TENM4: variants seen among roughly 807,000 people sequenced by gnomAD.
TENM4 encodes teneurin-4.
In TENM4, 82 loss-of-function variants were observed where a neutral mutation model predicts 243.3. The observed-to-expected ratio is 0.34, with a 90% CI of 0.28 to 0.40. TENM4 has a LOEUF of 0.40. Ranked by LOEUF, TENM4 falls within the 10% of genes least tolerant of loss-of-function variation. TENM4 has a pLI of 1.00. For missense variants in TENM4, 3,138 were observed against 3,673.3 expected, an observed-to-expected ratio of 0.85 and a Z score of 3.77; for synonymous variants, 1,412 against 1,456.3, an observed-to-expected ratio of 0.97 and a Z score of 0.69.
At chr11:78,994,117 G>A (rs1257746816) in intron 6 of TENM4, among the ~76,000 whole-genome samples, 1 of 152,210 alleles carries the variant, frequency 6.6e-6, no homozygotes, top group Non-Finnish European at 1.5e-5. Context: ...TATTCCTAAA[G>A]CATGGCCTTT....
intron 4 of TENM4, among the ~76,000 whole-genome samples, chr11:79,071,590 T>A (rs1860416137): frequency 6.6e-6 from 1 of 152,180 alleles, no homozygotes; most frequent in African/African-American, 2.4e-5. Flanking sequence ...ATTTTAATAC[T>A]TTGCAGGCCA....
chr11:79,170,407 A>T (rs758897341), intron 3 of TENM4, among the ~76,000 whole-genome samples: 11 of 152,134 alleles, frequency 7.2e-5, no homozygotes, highest in Non-Finnish European at 1.3e-4. Context: ...CCCAAAATTG[A>T]TATGTTGAAA....
In TENM4 at chr11:78,702,098, G is replaced by A. The variant is rs372767827; in HGVS notation, c.4515C>T (p.Leu1505=). The A allele has an allele frequency of 1.2e-5, 20 of 1,613,812 alleles. No homozygotes were observed. The highest frequency in any genetic ancestry group is 2.2e-5 in the East Asian group (1 of 44,896). Reference sequence around the variant, plus strand: ...CACAGCCACTGGGGGCCCCAGCAACGAGTGAGATCTCTCCACTAGTGGTGA... The same window carrying A: ...CACAGCCACTGGGGGCCCCAGCAACAAGTGAGATCTCTCCACTAGTGGTGA... ...RQVTTSGEIS[L]VAGAPSGCDC... Residue 1505 remains leucine (L), a synonymous_variant, in exon 28 of 34, where the codon CTC becomes CTT. Transcript: ENST00000278550.
At chr11:79,340,562 G>A (rs182064308) in intron 1 of TENM4, among the ~76,000 whole-genome samples, 191 of 151,706 alleles carry the variant, frequency 1.3e-3, no homozygotes, top group African/African-American at 4.6e-3. Context: ...CATAGCACAC[G>A]TTTGCTTCTA....
chr11:78,666,941 T>C (rs1858172099), intron 32 of TENM4, among the ~76,000 whole-genome samples: 1 of 152,082 alleles, frequency 6.6e-6, no homozygotes, highest in Non-Finnish European at 1.5e-5. Context: ...TTTGGAAAGA[T>C]GCAATGTTTT....
At chr11:79,107,236 G>A (rs1861394319) in intron 4 of TENM4, among the ~76,000 whole-genome samples, 1 of 152,052 alleles carries the variant, frequency 6.6e-6, no homozygotes, top group African/African-American at 2.4e-5. Context: ...AAGGAATAAT[G>A]AATTTATTTT....
chr11:78,945,006 CT>C (rs1856980092), intron 6 of TENM4, among the ~76,000 whole-genome samples: 1 of 152,176 alleles, frequency 6.6e-6, no homozygotes, highest in Non-Finnish European at 1.5e-5. Context: ...CATTATTTCT[CT>C]TCTATTAAGG....
intron 6 of TENM4, among the ~76,000 whole-genome samples, chr11:78,945,426 C>G (rs1856986707): frequency 6.6e-6 from 1 of 152,200 alleles, no homozygotes; most frequent in South Asian, 2.1e-4. Flanking sequence ...GGTTTGTGTT[C>G]TGACTGCTCC....
At chr11:79,046,075 C>T (rs12278927) in intron 6 of TENM4, among the ~76,000 whole-genome samples, 5,461 of 152,330 alleles carry the variant, frequency 0.036, 334 homozygotes, top group African/African-American at 0.12. Context: ...TCCTGCTGTT[C>T]TAGGCAAGGC....
At chr11:78,932,746 A>C (rs1049271077) in intron 6 of TENM4, among the ~76,000 whole-genome samples, 1 of 152,134 alleles carries the variant, frequency 6.6e-6, no homozygotes, top group Non-Finnish European at 1.5e-5. Flanking sequence ...TCCACCTCAG[A>C]TCATCAGGCA....
intron 21 of TENM4, 105 bp downstream of exon 21, chr11:78,732,210 CA>C: frequency 6.8e-7 from 1 of 1,460,304 alleles, no homozygotes; most frequent in Non-Finnish European, 9.1e-7. Flanking sequence ...GGACCTGACC[CA>C]AGCCCTACAG....
chr11:79,109,965 C>T (rs1222055014), intron 4 of TENM4, among the ~76,000 whole-genome samples: 2 of 152,316 alleles, frequency 1.3e-5, no homozygotes, highest in Non-Finnish European at 1.5e-5. Flanking sequence ...TTGTTGCTTT[C>T]GTTACTCCTT....
In TENM4 at chr11:78,698,811, C is replaced by T. The variant is rs1356478756; in HGVS notation, c.5087+2715G>A. The stretch of plus-strand genomic sequence containing the variant: ...TAGCCTGTCCCTGAGTCACATGGCT[C>T]GCAGCCAGTGAAAATAGGTGTCTGG... On this transcript the variant is annotated intron_variant, in intron 28 of 33. Transcript: ENST00000278550. Among the ~76,000 whole-genome samples, 3 of 152,348 alleles carry T rather than the reference C, an allele frequency of 2.0e-5. No individual in the cohort carries two copies. The East Asian group carries it at 5.8e-4, about 29-fold the overall frequency.
chr11:79,171,876 T>C (rs1410993227), intron 3 of TENM4, among the ~76,000 whole-genome samples: 1 of 152,218 alleles, frequency 6.6e-6, no homozygotes, highest in African/African-American at 2.4e-5. Context: ...CAAGCTAAAA[T>C]TCTCTAAGCT....
intron 28 of TENM4, 122 bp downstream of exon 28, chr11:78,701,404 A>T (rs1322623956): frequency 8.0e-7 from 1 of 1,255,726 alleles, no homozygotes; most frequent in Non-Finnish European, 1.1e-6. Context: ...TGTAGAATGT[A>T]TTATAAGTAA....
intron 2 of TENM4, among the ~76,000 whole-genome samples, chr11:79,262,533 C>T (rs1172438995): frequency 2.6e-5 from 4 of 152,198 alleles, no homozygotes; most frequent in Non-Finnish European, 5.9e-5. Flanking sequence ...CCATCCATTT[C>T]CCCTAGTCTT....
chr11:78,997,245 T>C (rs1407507947), intron 6 of TENM4, among the ~76,000 whole-genome samples: 1 of 152,196 alleles, frequency 6.6e-6, no homozygotes, highest in African/African-American at 2.4e-5. Flanking sequence ...GTCCAGCGTG[T>C]TCTCTCCATG....
At chr11:78,912,897 T>C (rs1856223504) in intron 6 of TENM4, among the ~76,000 whole-genome samples, 1 of 152,222 alleles carries the variant, frequency 6.6e-6, no homozygotes, top group Admixed American at 6.5e-5. Context: ...TCTCACAACA[T>C]ATACTCCACC....
chr11:79,145,042 C>T (rs762954475), intron 4 of TENM4, among the ~76,000 whole-genome samples: 1 of 151,290 alleles, frequency 6.6e-6, no homozygotes, highest in Non-Finnish European at 1.5e-5. Flanking sequence ...CTCACGTGCC[C>T]CATAAATATA....
Sources: allele counts gnomAD v4.1 joint callset (sites outside exome capture counted in the v4.1 genomes callset), GRCh38; gene constraint gnomAD v4.1.1; transcripts MANE v1.5; gene names NCBI Gene and HGNC (gene_info 2026-07-23, HGNC 2026-07-21).